The following SCHIP1 variants were observed in gnomAD, a reference collection of about 807,000 sequenced individuals.
The protein encoded by SCHIP1 is schwannomin-interacting protein 1.
Under a neutral mutation model 29.7 loss-of-function variants are expected in SCHIP1, and 8 were observed. The ratio of observed to expected loss-of-function variants is 0.27; its 90% CI spans 0.16 to 0.49. The LOEUF is 0.49. SCHIP1 is among the 20% of genes least tolerant of loss of function. The pLI is 0.99. For synonymous variants in SCHIP1, 76 were observed against 94.9 expected, an observed-to-expected ratio of 0.80 and a Z score of 1.16; for missense variants, 193 against 294.6, an observed-to-expected ratio of 0.66 and a Z score of 2.52.
At chr3:159,354,378 T>C in the SCHIP1 span, among the ~76,000 whole-genome samples, 3 of 152,220 alleles carry the variant, frequency 2.0e-5, no homozygotes, top group East Asian at 5.8e-4. Flanking sequence ...AAGCTATATC[T>C]GTAATATTTA....
At chr3:159,681,772 G>C in the SCHIP1 span, among the ~76,000 whole-genome samples, 1 of 151,308 alleles carries the variant, frequency 6.6e-6, no homozygotes, top group African/African-American at 2.4e-5. Flanking sequence ...AGATTAACTT[G>C]GTTTAACTCA....
chr3:159,337,753 A>ATGTT, the SCHIP1 span, among the ~76,000 whole-genome samples: 3 of 152,126 alleles, frequency 2.0e-5, no homozygotes, highest in African/African-American at 7.2e-5. Flanking sequence ...CATGTTCTCC[A>ATGTT]ATTTATAATA....
the SCHIP1 span, among the ~76,000 whole-genome samples, chr3:159,669,941 G>A: frequency 6.6e-6 from 1 of 152,196 alleles, no homozygotes; most frequent in Non-Finnish European, 1.5e-5. Context: ...TCAGGGAGCT[G>A]CGTGAGTCAG....
chr3:159,679,051 A>C, the SCHIP1 span, among the ~76,000 whole-genome samples: 1 of 152,208 alleles, frequency 6.6e-6, no homozygotes, highest in African/African-American at 2.4e-5. Context: ...AATAATGCCC[A>C]AAGGATTCGA....
At chr3:159,493,957 A>G in the SCHIP1 span, among the ~76,000 whole-genome samples, 7 of 151,944 alleles carry the variant, frequency 4.6e-5, no homozygotes, top group Admixed American at 4.6e-4. Context: ...CTCACTCAAA[A>G]CCGCTCAACT....
chr3:159,374,515 A>C, the SCHIP1 span, among the ~76,000 whole-genome samples: 1 of 152,208 alleles, frequency 6.6e-6, no homozygotes, highest in Admixed American at 6.5e-5. Flanking sequence ...ATCACGAAGA[A>C]GCAGGCAGAA....
At chr3:159,284,996 C>T in the SCHIP1 span, among the ~76,000 whole-genome samples, 2 of 151,860 alleles carry the variant, frequency 1.3e-5, 1 homozygote, top group South Asian at 4.2e-4. Flanking sequence ...ATATTTTTTC[C>T]TATAACTCAA....
the SCHIP1 span, among the ~76,000 whole-genome samples, chr3:159,655,680 G>T: frequency 1.4e-4 from 21 of 152,228 alleles, no homozygotes; most frequent in Admixed American, 2.6e-4. Context: ...ATGAGGTCAG[G>T]TGTTTGAGAC....
chr3:159,471,127 A>C, the SCHIP1 span, among the ~76,000 whole-genome samples: 3 of 152,060 alleles, frequency 2.0e-5, no homozygotes, highest in East Asian at 1.9e-4. Flanking sequence ...ACAATAAAAC[A>C]ACACACACAC....
chr3:159,475,154 T>C, the SCHIP1 span, among the ~76,000 whole-genome samples: 1 of 152,106 alleles, frequency 6.6e-6, no homozygotes, highest in Non-Finnish European at 1.5e-5. Context: ...GCATTACTCA[T>C]GGACAGAAAG....
intron 2 of SCHIP1, among the ~76,000 whole-genome samples, chr3:159,882,022 A>G (rs1284813615): frequency 6.6e-6 from 1 of 152,216 alleles, no homozygotes; most frequent in Non-Finnish European, 1.5e-5. Context: ...AAACTGGAAT[A>G]CCATCACTTC....
chr3:159,393,731 T>A, the SCHIP1 span, among the ~76,000 whole-genome samples: 1 of 151,068 alleles, frequency 6.6e-6, no homozygotes, highest in Non-Finnish European at 1.5e-5. Flanking sequence ...GTAGTATAGT[T>A]TGAAGTCAGG....
the SCHIP1 span, among the ~76,000 whole-genome samples, chr3:159,301,674 G>A: frequency 6.6e-6 from 1 of 152,084 alleles, no homozygotes; most frequent in African/African-American, 2.4e-5. Flanking sequence ...TAAAAGTGTG[G>A]CACTTCCCCT....
Position 159,888,736 on chromosome 3 carries a change from T to G in SCHIP1, c.466-84T>G, listed in dbSNP as rs995984296. 4 of 1,549,628 alleles carry G rather than the reference T, an allele frequency of 2.6e-6. No individual in the cohort carries two copies. In the African/African-American group the frequency reaches 5.5e-5, roughly 21 times the overall value. ...GAATTGCAGTGGGTGGGTGAGTGGG[T>G]CTTTTAAGAGAAAACTGGGTCTTAA... On this transcript the variant is annotated intron_variant, in intron 4 of 6. Transcript: ENST00000445224.
At chr3:159,737,339 C>T in the SCHIP1 span, among the ~76,000 whole-genome samples, 3 of 152,242 alleles carry the variant, frequency 2.0e-5, no homozygotes, top group South Asian at 6.2e-4. Context: ...AGTCTCTATC[C>T]CCAGAGTCTC....
chr3:159,773,695 G>A, the SCHIP1 span, among the ~76,000 whole-genome samples: 1 of 152,118 alleles, frequency 6.6e-6, no homozygotes, highest in Non-Finnish European at 1.5e-5. Context: ...TATGTTGTCA[G>A]AACAATTATA....
the SCHIP1 span, among the ~76,000 whole-genome samples, chr3:159,565,829 C>T: frequency 1.3e-5 from 2 of 152,106 alleles, no homozygotes; most frequent in Non-Finnish European, 2.9e-5. Flanking sequence ...ACAGTAAATG[C>T]ATGTAATGTA....
the SCHIP1 span, among the ~76,000 whole-genome samples, chr3:159,326,887 C>T: frequency 6.6e-6 from 1 of 152,088 alleles, no homozygotes; most frequent in Non-Finnish European, 1.5e-5. Flanking sequence ...CCAAGCAGAT[C>T]CAGATAGAAT....
At chr3:159,357,717 A>AAAT in the SCHIP1 span, among the ~76,000 whole-genome samples, 1 of 152,220 alleles carries the variant, frequency 6.6e-6, no homozygotes, top group East Asian at 1.9e-4. Context: ...AGAAGGAGTA[A>AAAT]AATAGTACTT....
Sources: gnomAD v4.1 joint callset for allele counts (sites outside exome capture counted in the v4.1 genomes callset) on GRCh38, gnomAD v4.1.1 for gene constraint, MANE v1.5 for transcripts, NCBI Gene and HGNC (gene_info 2026-07-23, HGNC 2026-07-21) for gene names.